The following PRKAR2B variants were observed in gnomAD, a reference collection of about 807,000 sequenced individuals.
PRKAR2B encodes the protein protein kinase cAMP-dependent type II regulatory subunit beta.
PRKAR2B carries 14 observed loss-of-function variants against 49.9 expected under a neutral mutation model. The observed-to-expected ratio is 0.28, with a 90% CI of 0.19 to 0.44. The LOEUF (loss-of-function observed/expected upper bound fraction) is 0.44. Ranked by LOEUF, PRKAR2B falls within the 20% of genes least tolerant of loss-of-function variation. The pLI is 1.00. For missense variants in PRKAR2B, 393 were observed against 537.9 expected (o/e 0.73, Z 2.67); for synonymous variants, 196 against 197.7 (o/e 0.99, Z 0.07).
At chr7:107,144,883 A>G (rs976476081) in intron 5 of PRKAR2B, among the ~76,000 whole-genome samples, 20 of 133,544 alleles carry the variant, frequency 1.5e-4, no homozygotes, top group African/African-American at 5.4e-4. Flanking sequence ...AATTTTTTCT[A>G]TCTGCCCTCA....
intron 1 of PRKAR2B, among the ~76,000 whole-genome samples, chr7:107,052,466 A>G (rs542259147): frequency 6.6e-6 from 1 of 152,290 alleles, no homozygotes; most frequent in Admixed American, 6.5e-5. Flanking sequence ...AGTTATTATT[A>G]ACATTTTTGA....
At chr7:107,089,276 G>T (rs1794677405) in intron 2 of PRKAR2B, among the ~76,000 whole-genome samples, 1 of 152,176 alleles carries the variant, frequency 6.6e-6, no homozygotes, top group East Asian at 1.9e-4. Flanking sequence ...GAAAAAAATG[G>T]CAGAGATGGG....
chr7:107,099,732 G>A (rs912957289), intron 2 of PRKAR2B, among the ~76,000 whole-genome samples: 4 of 151,238 alleles, frequency 2.6e-5, no homozygotes, highest in Non-Finnish European at 5.9e-5. Flanking sequence ...TCCGCCTCCT[G>A]GGTTCATGCC....
intron 2 of PRKAR2B, among the ~76,000 whole-genome samples, chr7:107,083,433 G>A (rs11764389): frequency 0.086 from 13,002 of 151,858 alleles, 628 homozygotes; most frequent in Middle Eastern, 0.16. Flanking sequence ...ACTGTGTGTC[G>A]AGTGCTGTTT....
chr7:107,107,413 A>G lies in PRKAR2B; in HGVS notation c.344-14539A>G, dbSNP rs558216529. 2.0e-5 allele frequency among the ~76,000 whole-genome samples: 3 copies of G among 152,218 alleles called. No homozygotes were observed. The East Asian group carries it at 5.8e-4, about 29-fold the overall frequency. ...TGGACCCAAGTGGTGTTGCTAAACT[A>G]AAGAAAATTAGTTTCTTTTTAAGCG... On this transcript the variant is annotated intron_variant, in intron 2 of 10. Transcript: ENST00000265717.
At chr7:107,090,653 T>G (rs148896611) in intron 2 of PRKAR2B, among the ~76,000 whole-genome samples, 9 of 152,334 alleles carry the variant, frequency 5.9e-5, no homozygotes, top group African/African-American at 1.9e-4. Context: ...TAAGGGGACA[T>G]CTGCAGTTTA....
At chr7:107,086,371 A>G (rs1794620816) in intron 2 of PRKAR2B, among the ~76,000 whole-genome samples, 1 of 152,208 alleles carries the variant, frequency 6.6e-6, no homozygotes, top group African/African-American at 2.4e-5. Flanking sequence ...GAGATAATGA[A>G]TAGAAAATAC....
At chr7:107,112,174 TAAAAAAAAA>T (rs749209141) in intron 2 of PRKAR2B, among the ~76,000 whole-genome samples, 1 of 44,762 alleles carries the variant, frequency 2.2e-5, no homozygotes, top group Non-Finnish European at 4.0e-5. Flanking sequence ...ACTGTGTCTC[TAAAAAAAAA>T]AAAAAAAAAA....
At chr7:107,047,320 C>T (rs1460576532) in intron 1 of PRKAR2B, among the ~76,000 whole-genome samples, 2 of 152,054 alleles carry the variant, frequency 1.3e-5, no homozygotes, top group African/African-American at 4.8e-5. Context: ...GTATTGAGAC[C>T]TCCAGTTGAA....
intron 2 of PRKAR2B, among the ~76,000 whole-genome samples, chr7:107,115,255 A>T (rs568057058): frequency 1.3e-5 from 2 of 152,284 alleles, no homozygotes; most frequent in Admixed American, 1.3e-4. Context: ...CTGTTATTTC[A>T]TCAAGACAGG....
At chr7:107,106,092 T>G (rs1164287660) in intron 2 of PRKAR2B, among the ~76,000 whole-genome samples, 1 of 152,204 alleles carries the variant, frequency 6.6e-6, no homozygotes, top group Non-Finnish European at 1.5e-5. Flanking sequence ...AATCTGGGTC[T>G]ACATTAGTGT....
At chr7:107,101,030 C>A (rs966747684) in intron 2 of PRKAR2B, among the ~76,000 whole-genome samples, 1 of 151,850 alleles carries the variant, frequency 6.6e-6, no homozygotes, top group African/African-American at 2.4e-5. Flanking sequence ...TATCACACTT[C>A]CTGTTTCTCT....
chr7:107,052,885 C>A (rs1194585402), intron 1 of PRKAR2B, among the ~76,000 whole-genome samples: 1 of 152,176 alleles, frequency 6.6e-6, no homozygotes, highest in Non-Finnish European at 1.5e-5. Context: ...GGCTGGAGTG[C>A]AGTGGTGCCA....
At chr7:107,147,321 C>A (rs988467864) in intron 6 of PRKAR2B, among the ~76,000 whole-genome samples, 7 of 152,092 alleles carry the variant, frequency 4.6e-5, no homozygotes, top group Non-Finnish European at 1.0e-4. Context: ...CAAAAAAAAT[C>A]CTCTTACCTA....
At chr7:107,104,142 C>T (rs1388221511) in intron 2 of PRKAR2B, among the ~76,000 whole-genome samples, 1 of 152,198 alleles carries the variant, frequency 6.6e-6, no homozygotes, top group Non-Finnish European at 1.5e-5. Flanking sequence ...AGCAGTTCTC[C>T]TGCCTCAGCC....
At chr7:107,080,716 A>T (rs1794498731) in intron 2 of PRKAR2B, among the ~76,000 whole-genome samples, 1 of 152,234 alleles carries the variant, frequency 6.6e-6, no homozygotes, top group South Asian at 2.1e-4. Flanking sequence ...CTTCCTAATG[A>T]GAGCGCTGTA....
At chr7:107,150,718 A>G (rs958715862) in intron 6 of PRKAR2B, among the ~76,000 whole-genome samples, 1 of 149,750 alleles carries the variant, frequency 6.7e-6, no homozygotes, top group African/African-American at 2.4e-5. Context: ...AAAAAAAAAA[A>G]AAAAGAAAAC....
chr7:107,116,308 C>T (rs1562861944), intron 2 of PRKAR2B, among the ~76,000 whole-genome samples: 1 of 152,156 alleles, frequency 6.6e-6, no homozygotes, highest in African/African-American at 2.4e-5. Context: ...GCTGTGAAGC[C>T]TTTCCCTGCC....
intron 2 of PRKAR2B, among the ~76,000 whole-genome samples, chr7:107,078,830 G>A (rs1794458170): frequency 6.6e-6 from 1 of 152,188 alleles, no homozygotes; most frequent in African/African-American, 2.4e-5. Context: ...CATTTTCCCA[G>A]AGTTCTCTTA....
Sources: gnomAD v4.1 joint callset for allele counts (sites outside exome capture counted in the v4.1 genomes callset) on GRCh38, gnomAD v4.1.1 for gene constraint, MANE v1.5 for transcripts, NCBI Gene and HGNC (gene_info 2026-07-23, HGNC 2026-07-21) for gene names.